SORCS1: variants seen among roughly 807,000 people sequenced by gnomAD.
The protein encoded by SORCS1 is VPS10 domain-containing receptor SorCS1.
In SORCS1, 60 loss-of-function variants were observed where a neutral mutation model predicts 146.1. The ratio of observed to expected loss-of-function variants is 0.41; its 90% confidence interval spans 0.33 to 0.51. The LOEUF (loss-of-function observed/expected upper bound fraction) is 0.51. Ranked by LOEUF, SORCS1 falls within the 20% of genes least tolerant of loss-of-function variation. SORCS1 has a pLI of 0.21. For missense variants in SORCS1, 1,352 were observed against 1,487.6 expected, an observed-to-expected ratio of 0.91 and a Z score of 1.50; for synonymous variants, 637 against 584.0, an observed-to-expected ratio of 1.09 and a Z score of -1.31.
intron 1 of SORCS1, among the ~76,000 whole-genome samples, chr10:107,127,678 C>T (rs538096590): frequency 1.3e-5 from 2 of 152,318 alleles, no homozygotes; most frequent in Admixed American, 1.3e-4. Context: ...CCTGCATAGA[C>T]AGCTTTCCCC....
chr10:106,830,662 A>G (rs1948504303), intron 2 of SORCS1, among the ~76,000 whole-genome samples: 1 of 151,312 alleles, frequency 6.6e-6, no homozygotes, highest in Non-Finnish European at 1.5e-5. Context: ...TTAGGAAACC[A>G]AGACGGGTGA....
At chr10:106,998,516 A>G (rs1957088630) in intron 1 of SORCS1, among the ~76,000 whole-genome samples, 1 of 152,242 alleles carries the variant, frequency 6.6e-6, no homozygotes, top group Non-Finnish European at 1.5e-5. Context: ...GCACTTTAAC[A>G]TGACAACCAG....
At chr10:106,962,466 A>C (rs938890401) in intron 1 of SORCS1, among the ~76,000 whole-genome samples, 4 of 151,898 alleles carry the variant, frequency 2.6e-5, no homozygotes, top group African/African-American at 9.7e-5. Flanking sequence ...TCACTCTTCA[A>C]TTAATAATAA....
chr10:106,687,084 A>G (rs1852907315), intron 10 of SORCS1, among the ~76,000 whole-genome samples: 1 of 152,220 alleles, frequency 6.6e-6, no homozygotes, highest in Non-Finnish European at 1.5e-5. Flanking sequence ...AGACATTGAT[A>G]GTATTAATAA....
chr10:106,771,925 A>G (rs1860049588), intron 4 of SORCS1, among the ~76,000 whole-genome samples: 1 of 152,068 alleles, frequency 6.6e-6, no homozygotes, highest in South Asian at 2.1e-4. Flanking sequence ...GGCTCCACAC[A>G]TTTTCCTTTC....
rs555398200 is a variant in SORCS1 at position 106,602,902 on chromosome 10, C to A, written c.3165+4264G>T. 3.2e-3 allele frequency among the ~76,000 whole-genome samples: 488 copies of A among 152,296 alleles called. 1 individual carries two copies. Among genetic ancestry groups the A allele is most frequent in the Non-Finnish European group, 5.4e-3 (364 of 68,030 alleles). ...TAAATTTCTATTTTCTTAAAACTGT[C>A]ACCCTGCTCCCTATCGAGATCTGCC... On this transcript the variant is annotated intron_variant, in intron 23 of 25. Coordinates refer to ENST00000263054, the MANE Select transcript of SORCS1 (RefSeq NM_052918.5).
intron 1 of SORCS1, among the ~76,000 whole-genome samples, chr10:106,985,316 A>C (rs1050372768): frequency 7.9e-5 from 12 of 152,348 alleles, no homozygotes; most frequent in African/African-American, 2.6e-4. Flanking sequence ...AATACGTTAT[A>C]AACCAAGTTG....
intron 17 of SORCS1, among the ~76,000 whole-genome samples, chr10:106,663,417 G>A (rs1238339131): frequency 6.6e-6 from 1 of 152,156 alleles, no homozygotes; most frequent in Non-Finnish European, 1.5e-5. Context: ...CAGTTGTGTG[G>A]GGAAAGGGGG....
chr10:106,871,978 T>C (rs1950422432), intron 2 of SORCS1, among the ~76,000 whole-genome samples: 1 of 152,254 alleles, frequency 6.6e-6, no homozygotes, highest in Non-Finnish European at 1.5e-5. Flanking sequence ...GAGTCTACCA[T>C]GTTCCATGAC....
chr10:106,883,440 A>C, intron 2 of SORCS1, among the ~76,000 whole-genome samples: 1 of 142,868 alleles, frequency 7.0e-6, no homozygotes, highest in East Asian at 2.1e-4. Flanking sequence ...TTTGAGACGG[A>C]GTCTTGCTCT....
intron 2 of SORCS1, among the ~76,000 whole-genome samples, chr10:106,904,707 T>C (rs1951842295): frequency 6.6e-6 from 1 of 152,230 alleles, no homozygotes; most frequent in Admixed American, 6.5e-5. Context: ...AGAAAAATCT[T>C]ACCTAATTAT....
intron 1 of SORCS1, among the ~76,000 whole-genome samples, chr10:107,025,730 C>G (rs1255229334): frequency 6.6e-6 from 1 of 152,144 alleles, no homozygotes; most frequent in Non-Finnish European, 1.5e-5. Context: ...CTGGAGGACC[C>G]TTGATGTCAG....
chr10:106,637,372 T>C (rs1044423146), intron 18 of SORCS1, among the ~76,000 whole-genome samples: 1 of 152,196 alleles, frequency 6.6e-6, no homozygotes, highest in Non-Finnish European at 1.5e-5. Flanking sequence ...TGTATAGGTG[T>C]TTCTTCACTT....
intron 6 of SORCS1, among the ~76,000 whole-genome samples, chr10:106,722,552 G>A (rs2135949283): frequency 6.6e-6 from 1 of 152,246 alleles, no homozygotes; most frequent in South Asian, 2.1e-4. Flanking sequence ...TTCACAGTTG[G>A]TTAAAGGGCC....
chr10:106,817,799 C>T (rs1589462996), intron 3 of SORCS1, among the ~76,000 whole-genome samples: 1 of 152,300 alleles, frequency 6.6e-6, no homozygotes, highest in Non-Finnish European at 1.5e-5. Flanking sequence ...TGTATCTCTA[C>T]TGCCTGGCAG....
At chr10:107,049,472 T>C (rs892352935) in intron 1 of SORCS1, among the ~76,000 whole-genome samples, 1 of 152,062 alleles carries the variant, frequency 6.6e-6, no homozygotes, top group Non-Finnish European at 1.5e-5. Context: ...GAACCCAAAA[T>C]TTCAGCCATC....
rs1321457682 is a variant in SORCS1, at chr10:106,956,549, T to C, written c.590A>G (p.Tyr197Cys). The C allele has an allele frequency of 6.2e-7, 1 of 1,614,246 alleles. No individual in the cohort carries two copies. Among genetic ancestry groups the C allele is most frequent in the African/African-American group, 1.3e-5 (1 of 75,076 alleles). ...VILILTKLYD[Y>C]NLGSITESSL... is the part of the protein sequence containing the mutation. ...GCTCTCTGTGATGCTCCCCAGGTTATAGTCATAGAGCTTTGTCAAAATGAG... is the reference window on the plus strand; with the variant it reads ...GCTCTCTGTGATGCTCCCCAGGTTACAGTCATAGAGCTTTGTCAAAATGAG... The change falls in exon 2 of 26, where the codon TAT becomes TGT. Residue 197 changes from tyrosine to cysteine, a missense_variant. Tyr to Cys is a radical substitution (Grantham distance 194). This residue lies in a region of SORCS1 where 490 missense variants were observed against 489.1 expected (regional missense o/e 1.00). Coordinates refer to ENST00000263054, the MANE Select transcript of SORCS1 (RefSeq NM_052918.5).
At chr10:107,109,247 C>T (rs1965512788) in intron 1 of SORCS1, among the ~76,000 whole-genome samples, 2 of 152,220 alleles carry the variant, frequency 1.3e-5, no homozygotes, top group Admixed American at 6.5e-5. Context: ...ACAGATTTCC[C>T]CTCTGTGCTG....
At chr10:107,168,483 C>T (rs1236576393), upstream of SORCS1, among the ~76,000 whole-genome samples, 1 of 152,152 alleles carries the variant, frequency 6.6e-6, no homozygotes, top group Non-Finnish European at 1.5e-5. Flanking sequence ...CAACATTAAC[C>T]TCATTTCAAC....
Sources: gnomAD v4.1 joint callset for allele counts (sites outside exome capture counted in the v4.1 genomes callset) on GRCh38, gnomAD v4.1.1 for gene constraint, gnomAD v4.1.1 regional missense constraint, MANE v1.5 for transcripts, NCBI Gene and HGNC (gene_info 2026-07-23, HGNC 2026-07-21) for gene names.